BANK1: variants seen among roughly 807,000 people sequenced by gnomAD.
BANK1 encodes the protein B-cell scaffold protein with ankyrin repeats.
BANK1 carries 95 observed loss-of-function variants against 94.5 expected under a neutral mutation model. That is an observed-to-expected ratio of 1.00 (90% CI 0.85 to 1.19). The LOEUF is 1.19. Among genes scored for constraint, BANK1 ranks in the 50% most tolerant of loss-of-function variants. BANK1 has a pLI of 0.00. For synonymous variants in BANK1, 334 were observed against 308.4 expected, an observed-to-expected ratio of 1.08 and a Z score of -0.87; for missense variants, 987 against 932.2, an observed-to-expected ratio of 1.06 and a Z score of -0.77.
intron 10 of BANK1, among the ~76,000 whole-genome samples, chr4:102,041,943 T>C (rs914227504): frequency 6.6e-6 from 1 of 151,954 alleles, no homozygotes; most frequent in African/African-American, 2.4e-5. Context: ...GCTGGAAAAA[T>C]AATTTCATTT....
intron 5 of BANK1, among the ~76,000 whole-genome samples, chr4:101,880,804 C>T (rs1174372180): frequency 6.6e-6 from 1 of 152,020 alleles, no homozygotes; most frequent in African/African-American, 2.4e-5. Flanking sequence ...ACAAAGGTGT[C>T]AAGAACACAC....
At chr4:101,857,096 C>T (rs1727706237) in intron 3 of BANK1, among the ~76,000 whole-genome samples, 1 of 152,126 alleles carries the variant, frequency 6.6e-6, no homozygotes, top group Admixed American at 6.6e-5. Flanking sequence ...TGTCTGAAAG[C>T]ACAACCTTTG....
intron 6 of BANK1, among the ~76,000 whole-genome samples, chr4:101,896,572 A>G (rs531074876): frequency 6.6e-6 from 1 of 151,958 alleles, no homozygotes; most frequent in East Asian, 1.9e-4. Flanking sequence ...AATTAGCGAC[A>G]TTTTATTTTT....
chr4:101,920,865 G>A (rs1417349717), intron 7 of BANK1, among the ~76,000 whole-genome samples: 1 of 151,768 alleles, frequency 6.6e-6, no homozygotes, highest in African/African-American at 2.4e-5. Flanking sequence ...AAACACAAAA[G>A]CATTAGCAAG....
At chr4:101,795,964 CTG>C (rs1289839451) in intron 1 of BANK1, among the ~76,000 whole-genome samples, 3 of 152,264 alleles carry the variant, frequency 2.0e-5, no homozygotes, top group African/African-American at 7.2e-5. Flanking sequence ...GTTGTTGAAT[CTG>C]TGTAAGTATA....
chr4:102,018,139 T>A (rs1726774911), intron 7 of BANK1, among the ~76,000 whole-genome samples: 1 of 152,204 alleles, frequency 6.6e-6, no homozygotes, highest in Non-Finnish European at 1.5e-5. Context: ...CTGTTATTTA[T>A]GGTTTTAGTA....
chr4:101,991,139 C>T (rs1045908464), intron 7 of BANK1, among the ~76,000 whole-genome samples: 21 of 152,170 alleles, frequency 1.4e-4, no homozygotes, highest in Admixed American at 1.2e-3. Flanking sequence ...CACCAAACCC[C>T]ACACAGCTGG....
intron 6 of BANK1, among the ~76,000 whole-genome samples, chr4:101,901,759 T>G (rs376029935): frequency 1.8e-4 from 7 of 38,348 alleles, no homozygotes; most frequent in Admixed American, 5.2e-4. Context: ...CTTTTTGTTT[T>G]TTTGTTTTTG....
chr4:102,068,461 T>G (rs1041447191), intron 13 of BANK1, among the ~76,000 whole-genome samples: 1 of 152,048 alleles, frequency 6.6e-6, no homozygotes, highest in Non-Finnish European at 1.5e-5. Context: ...GACAACAAGA[T>G]ACCTAAATTA....
chr4:101,910,709 A>C (rs1722635820), intron 6 of BANK1, among the ~76,000 whole-genome samples: 1 of 151,688 alleles, frequency 6.6e-6, no homozygotes, highest in African/African-American at 2.4e-5. Flanking sequence ...AAAAAAAAAA[A>C]AAAAACCATG....
At chr4:101,822,036 C>G (rs769611836) in intron 1 of BANK1, among the ~76,000 whole-genome samples, 3 of 151,936 alleles carry the variant, frequency 2.0e-5, no homozygotes, top group Non-Finnish European at 4.4e-5. Flanking sequence ...CTGAGGAGAT[C>G]ATTCTTGATG....
At chr4:101,841,259 A>G (rs980761113) in intron 2 of BANK1, among the ~76,000 whole-genome samples, 10 of 152,208 alleles carry the variant, frequency 6.6e-5, no homozygotes, top group Admixed American at 6.5e-4. Context: ...TAGAATGACA[A>G]TACCCAGAGG....
At chr4:102,051,142 G>C (rs1034395245) in intron 11 of BANK1, among the ~76,000 whole-genome samples, 13 of 152,078 alleles carry the variant, frequency 8.5e-5, no homozygotes, top group Admixed American at 7.9e-4. Context: ...TGGAGAAATG[G>C]GGAAGATATT....
At chr4:101,961,694 G>A (rs1724575094) in intron 7 of BANK1, among the ~76,000 whole-genome samples, 1 of 152,074 alleles carries the variant, frequency 6.6e-6, no homozygotes, top group Non-Finnish European at 1.5e-5. Context: ...GGAAACCAAA[G>A]GTTTCAAATA....
At position 101,800,050 on chromosome 4, in the gene BANK1, A is replaced by G. The variant is rs185582830; in HGVS notation, c.70+9100A>G. Among the ~76,000 whole-genome samples the G allele has an allele frequency of 1.6e-3, 234 of 148,422 alleles. 1 individual carries two copies. Among genetic ancestry groups the G allele is most frequent in the African/African-American group, 5.5e-3 (221 of 40,490 alleles). ...ACAAGGACAGAAAACTAAACACTGC[A>G]TGTCCTCACTCATAGGTGGGAATTG... On this transcript the variant is annotated intron_variant, in intron 1 of 16. Coordinates refer to ENST00000322953, the MANE Select transcript of BANK1 (RefSeq NM_017935.5).
intron 10 of BANK1, among the ~76,000 whole-genome samples, chr4:102,031,845 C>T (rs1727327215): frequency 6.6e-6 from 1 of 152,102 alleles, no homozygotes; most frequent in Non-Finnish European, 1.5e-5. Flanking sequence ...TTAAGAGATT[C>T]ATATAAGAAA....
chr4:101,856,669 A>G (rs575465045), intron 3 of BANK1, among the ~76,000 whole-genome samples: 118 of 152,198 alleles, frequency 7.8e-4, no homozygotes, highest in Non-Finnish European at 1.2e-3. Context: ...CCAAAATCAA[A>G]CCTCACTGCT....
intron 1 of BANK1, among the ~76,000 whole-genome samples, chr4:101,811,930 G>T (rs1456327555): frequency 6.6e-6 from 1 of 151,482 alleles, no homozygotes; most frequent in East Asian, 1.9e-4. Flanking sequence ...GCAGGAATTG[G>T]GCTTTATAAT....
At chr4:101,969,787 G>A (rs1324004690) in intron 7 of BANK1, among the ~76,000 whole-genome samples, 1 of 151,968 alleles carries the variant, frequency 6.6e-6, no homozygotes, top group African/African-American at 2.4e-5. Context: ...GGAGAGTAGT[G>A]GTGTTCCCCC....
Sources: gnomAD v4.1 joint callset for allele counts (sites outside exome capture counted in the v4.1 genomes callset) on GRCh38, gnomAD v4.1.1 for gene constraint, MANE v1.5 for transcripts, NCBI Gene and HGNC (gene_info 2026-07-23, HGNC 2026-07-21) for gene names.